The following ZCCHC7 variants were observed in gnomAD, a reference collection of about 807,000 sequenced individuals.
ZCCHC7 encodes the protein zinc finger CCHC domain-containing protein 7.
ZCCHC7 carries 35 observed loss-of-function variants against 52.0 expected under a neutral mutation model. That is an observed-to-expected ratio of 0.67 (90% CI 0.51 to 0.89). The LOEUF is 0.89. Ranked by LOEUF, ZCCHC7 falls within the 40% of genes least tolerant of loss-of-function variation. The pLI, the probability that ZCCHC7 is intolerant of heterozygous loss-of-function variation, is 0.00. For synonymous variants in ZCCHC7, 217 were observed against 221.5 expected (o/e 0.98, Z 0.18); for missense variants, 574 against 649.1 (o/e 0.88, Z 1.26).
At chr9:37,293,777 T>C (rs77062374) in intron 2 of ZCCHC7, among the ~76,000 whole-genome samples, 1 of 152,144 alleles carries the variant, frequency 6.6e-6, no homozygotes, top group Non-Finnish European at 1.5e-5. Context: ...GGGACAGAGG[T>C]AATGGGAGAT....
intron 6 of ZCCHC7, among the ~76,000 whole-genome samples, chr9:37,329,990 T>C (rs1830392307): frequency 6.6e-6 from 1 of 151,884 alleles, no homozygotes; most frequent in Non-Finnish European, 1.5e-5. Context: ...AGATGATTAG[T>C]ATCCAGTTTG....
chr9:37,203,035 G>GT lies in ZCCHC7; in HGVS notation c.610+76095dup, dbSNP rs1465140359. The stretch of plus-strand genomic sequence containing the variant: ...AGTTCTTTGTATAGCCCTTGCTTTT[G>GT]TTAAACCCACAGAAACTACAGGGGG... On this transcript the variant is annotated intron_variant, in intron 2 of 8. Coordinates refer to ENST00000336755, the MANE Select transcript of ZCCHC7 (RefSeq NM_032226.3). Among the ~76,000 whole-genome samples, 5 of 152,282 alleles carry GT rather than the reference G, an allele frequency of 3.3e-5. No individual in the cohort carries two copies. The East Asian group carries it at 9.7e-4, about 29-fold the overall frequency.
chr9:37,237,702 T>C (rs1825714206), intron 2 of ZCCHC7, among the ~76,000 whole-genome samples: 1 of 152,178 alleles, frequency 6.6e-6, no homozygotes, highest in Non-Finnish European at 1.5e-5. Flanking sequence ...CTTTTAACCT[T>C]TAGAAGAGAT....
At chr9:37,120,645 C>A in intron 1 of ZCCHC7, 22 bp downstream of exon 1, 2 of 393,346 alleles carry the variant, frequency 5.1e-6, no homozygotes, top group Non-Finnish European at 9.0e-6. Flanking sequence ...TGTGACGGAC[C>A]CCCGCCGCCC....
chr9:37,267,794 C>T (rs574079190), intron 2 of ZCCHC7, among the ~76,000 whole-genome samples: 1 of 152,198 alleles, frequency 6.6e-6, no homozygotes, highest in East Asian at 1.9e-4. Context: ...TGGTCTCGAT[C>T]TCCTGACCTT....
At chr9:37,175,603 G>T (rs984162867) in intron 2 of ZCCHC7, among the ~76,000 whole-genome samples, 2 of 152,040 alleles carry the variant, frequency 1.3e-5, no homozygotes, top group Non-Finnish European at 2.9e-5. Flanking sequence ...TGGGTGTGGT[G>T]GTGCTCGCCT....
At chr9:37,187,938 G>A (rs1230834211) in intron 2 of ZCCHC7, among the ~76,000 whole-genome samples, 1 of 152,090 alleles carries the variant, frequency 6.6e-6, no homozygotes, top group African/African-American at 2.4e-5. Context: ...TGTGGTTTCC[G>A]ATGACAAATT....
intron 6 of ZCCHC7, among the ~76,000 whole-genome samples, chr9:37,328,235 C>A (rs1830326913): frequency 1.3e-5 from 2 of 151,958 alleles, no homozygotes; most frequent in Non-Finnish European, 2.9e-5. Context: ...AAAACAGTTA[C>A]TGATATTTTT....
chr9:37,170,919 A>G (rs1271349100), intron 2 of ZCCHC7, among the ~76,000 whole-genome samples: 1 of 152,188 alleles, frequency 6.6e-6, no homozygotes, highest in Non-Finnish European at 1.5e-5. Flanking sequence ...CAAAGTATAG[A>G]TCAAAAGCTC....
chr9:37,122,249 A>C (rs1261696103), intron 1 of ZCCHC7, among the ~76,000 whole-genome samples: 1 of 152,264 alleles, frequency 6.6e-6, no homozygotes, highest in Non-Finnish European at 1.5e-5. Context: ...ATAAGCCTTA[A>C]GTTGTCTAGT....
intron 2 of ZCCHC7, among the ~76,000 whole-genome samples, chr9:37,203,677 T>C (rs749794187): frequency 6.6e-6 from 1 of 152,240 alleles, no homozygotes; most frequent in Non-Finnish European, 1.5e-5. Context: ...ATGGTGTATA[T>C]GTACCACATT....
chr9:37,163,201 A>AAAAC (rs756920213), intron 2 of ZCCHC7, among the ~76,000 whole-genome samples: 139 of 152,006 alleles, frequency 9.1e-4, no homozygotes, highest in Non-Finnish European at 9.9e-4. Flanking sequence ...CTCTGTCTCA[A>AAAAC]AAACAAACAA....
intron 2 of ZCCHC7, among the ~76,000 whole-genome samples, chr9:37,171,509 C>T (rs1164279783): frequency 6.6e-6 from 1 of 152,172 alleles, no homozygotes; most frequent in East Asian, 1.9e-4. Flanking sequence ...CCTCGAATTC[C>T]TGGGCTTGAG....
intron 2 of ZCCHC7, among the ~76,000 whole-genome samples, chr9:37,212,667 C>T (rs777823848): frequency 1.4e-4 from 21 of 152,182 alleles, no homozygotes; most frequent in Non-Finnish European, 2.9e-4. Context: ...TCGAACAGAT[C>T]GTTCACCTTG....
intron 6 of ZCCHC7, among the ~76,000 whole-genome samples, chr9:37,347,267 CAG>C (rs1435808167): frequency 6.6e-6 from 1 of 152,176 alleles, no homozygotes; most frequent in Non-Finnish European, 1.5e-5. Context: ...ATTCTATAAA[CAG>C]ATTCCACCAA....
At chr9:37,144,314 A>G (rs1843345424) in intron 2 of ZCCHC7, among the ~76,000 whole-genome samples, 2 of 151,960 alleles carry the variant, frequency 1.3e-5, no homozygotes, top group African/African-American at 4.8e-5. Context: ...GAATGCTAAT[A>G]TCTTCTTTGT....
intron 1 of ZCCHC7, among the ~76,000 whole-genome samples, chr9:37,121,087 A>G (rs547554984): frequency 1.3e-5 from 2 of 152,058 alleles, no homozygotes; most frequent in East Asian, 3.9e-4. Flanking sequence ...AAATTTCGGG[A>G]GCTGTGACCC....
At chr9:37,238,406 T>C (rs1825744227) in intron 2 of ZCCHC7, among the ~76,000 whole-genome samples, 1 of 152,176 alleles carries the variant, frequency 6.6e-6, no homozygotes, top group Non-Finnish European at 1.5e-5. Flanking sequence ...GTTTGTACTG[T>C]TTTGCTAAGT....
chr9:37,164,509 G>GACAGACAAA (rs1564151857), intron 2 of ZCCHC7, among the ~76,000 whole-genome samples: 1 of 149,586 alleles, frequency 6.7e-6, no homozygotes, highest in African/African-American at 2.5e-5. Context: ...AGACAGACAA[G>GACAGACAAA]ATAGATAGAC....
Sources: gnomAD v4.1 joint callset for allele counts (sites outside exome capture counted in the v4.1 genomes callset) on GRCh38, gnomAD v4.1.1 for gene constraint, MANE v1.5 for transcripts, NCBI Gene and HGNC (gene_info 2026-07-23, HGNC 2026-07-21) for gene names.